TPH2: variants seen among roughly 807,000 people sequenced by gnomAD.
TPH2 encodes tryptophan hydroxylase 2, also known as tryptophan 5-hydroxylase 2.
A neutral mutation model predicts 59.1 loss-of-function variants in TPH2; 27 were observed. The ratio of observed to expected loss-of-function variants is 0.46; its 90% CI spans 0.34 to 0.63. The LOEUF is 0.63. Among genes scored for constraint, TPH2 ranks in the 30% least tolerant of loss-of-function variants. The pLI is 0.01. For missense variants in TPH2, 523 were observed against 588.3 expected (o/e 0.89, Z 1.15); for synonymous variants, 220 against 210.5 (o/e 1.05, Z -0.39).
intron 5 of TPH2, chr12:71,961,955 G>A (rs959937758): frequency 1.1e-5 from 12 of 1,054,902 alleles, no homozygotes; most frequent in Admixed American, 4.9e-5. Context: ...GCTCCCATCT[G>A]AAAGTTCCTT....
intron 7 of TPH2, among the ~76,000 whole-genome samples, chr12:71,993,497 G>A (rs1467982148): frequency 2.0e-5 from 3 of 152,078 alleles, no homozygotes; most frequent in Non-Finnish European, 4.4e-5. Context: ...CATTATTCAT[G>A]GCAATGACTC....
intron 7 of TPH2, among the ~76,000 whole-genome samples, chr12:71,982,015 A>ATTTTTTTTTTTTTTTTCTTTTTTT (rs1872294908): frequency 1.7e-5 from 1 of 60,492 alleles, no homozygotes; most frequent in Non-Finnish European, 3.4e-5. Context: ...TATCATTCGT[A>ATTTTTTTTTTTTTTTTCTTTTTTT]TTTTTTTTTT....
intron 5 of TPH2, among the ~76,000 whole-genome samples, chr12:71,966,439 CTCT>C (rs1290157356): frequency 2.0e-5 from 3 of 152,136 alleles, no homozygotes; most frequent in South Asian, 2.1e-4. Context: ...TGCATTTAAG[CTCT>C]TCTTTGTTTT....
At chr12:71,942,012 A>G (rs948038012) in intron 2 of TPH2, among the ~76,000 whole-genome samples, 1 of 152,178 alleles carries the variant, frequency 6.6e-6, no homozygotes, top group African/African-American at 2.4e-5. Flanking sequence ...CGTGAGCTTC[A>G]CACCTGAAAA....
At chr12:72,005,641 T>C (rs1872935291) in intron 8 of TPH2, among the ~76,000 whole-genome samples, 1 of 152,188 alleles carries the variant, frequency 6.6e-6, no homozygotes, top group Non-Finnish European at 1.5e-5. Flanking sequence ...CTTTTATATC[T>C]ACAGAGGAAA....
intron 1 of TPH2, among the ~76,000 whole-genome samples, chr12:71,940,709 TA>T (rs1240209008): frequency 7.9e-5 from 12 of 152,360 alleles, no homozygotes; most frequent in Admixed American, 4.6e-4. Flanking sequence ...TCCAGCTTTT[TA>T]TTCTGCATTT....
Position 71,962,986 on chromosome 12 carries a change from C to T in TPH2, c.609-9533C>T, listed in dbSNP as rs1279250005. On this transcript the variant is annotated intron_variant, in intron 5 of 10. Coordinates refer to ENST00000333850, the MANE Select transcript of TPH2 (RefSeq NM_173353.4). ...CACCCGCCTCGGCCTCCCAGAGTGC[C>T]GGGATTACAGATGTGAGCCACCGTG... 5.6e-5 allele frequency among the ~76,000 whole-genome samples: 3 copies of T among 53,114 alleles called. 1 individual carries two copies. The highest frequency in any genetic ancestry group is 1.1e-4 in the African/African-American group (2 of 18,904). The allele number at this position is 53,114 out of a possible 152,430, so 34.8% of individuals were successfully genotyped here. A position where few individuals can be genotyped will look rare whatever the true frequency, so the allele number is the denominator to read the frequency against.
At chr12:72,018,608 C>T (rs767261075) in intron 8 of TPH2, among the ~76,000 whole-genome samples, 7 of 152,124 alleles carry the variant, frequency 4.6e-5, no homozygotes, top group Non-Finnish European at 1.0e-4. Context: ...TGGCTCTGAA[C>T]GTGTATTTTG....
intron 9 of TPH2, among the ~76,000 whole-genome samples, chr12:72,024,688 T>G (rs1873521050): frequency 6.6e-6 from 1 of 152,236 alleles, no homozygotes; most frequent in African/African-American, 2.4e-5. Context: ...CTCATGGCCC[T>G]GACTTTCCAC....
chr12:71,966,955 T>C (rs1290871588), intron 5 of TPH2, among the ~76,000 whole-genome samples: 1 of 152,132 alleles, frequency 6.6e-6, no homozygotes, highest in Non-Finnish European at 1.5e-5. Flanking sequence ...CCAATTCCCC[T>C]AATTAAAAAA....
intron 5 of TPH2, among the ~76,000 whole-genome samples, chr12:71,959,110 A>G (rs1050713212): frequency 1.3e-5 from 2 of 150,852 alleles, no homozygotes; most frequent in East Asian, 3.9e-4. Flanking sequence ...GCCAAGTACT[A>G]CATGATGTCA....
intron 5 of TPH2, among the ~76,000 whole-genome samples, chr12:71,970,659 A>G (rs1355708180): frequency 6.6e-6 from 1 of 152,242 alleles, no homozygotes; most frequent in Non-Finnish European, 1.5e-5. Flanking sequence ...GACCATTTAT[A>G]TACTTATTTC....
intron 3 of TPH2, 29 bp downstream of exon 3, chr12:71,944,506 C>A (rs1048163212): frequency 6.2e-7 from 1 of 1,613,756 alleles, no homozygotes; most frequent in African/African-American, 1.3e-5. Flanking sequence ...TGTCGGGTAA[C>A]TTTGCAATCT....
chr12:71,995,363 A>T (rs1872669076), intron 8 of TPH2, among the ~76,000 whole-genome samples: 1 of 152,218 alleles, frequency 6.6e-6, no homozygotes, highest in Non-Finnish European at 1.5e-5. Context: ...GGGACCAGTC[A>T]GTTAGCCTAG....
chr12:72,002,251 TC>T (rs1334506558), intron 8 of TPH2, among the ~76,000 whole-genome samples: 6 of 151,932 alleles, frequency 3.9e-5, no homozygotes, highest in Non-Finnish European at 8.8e-5. Flanking sequence ...CTGTTCATAC[TC>T]CCAGGCGAGA....
intron 5 of TPH2, among the ~76,000 whole-genome samples, chr12:71,966,589 C>G (rs1015224331): frequency 3.9e-5 from 6 of 152,208 alleles, no homozygotes; most frequent in Admixed American, 3.9e-4. Context: ...CCCTAAGGAA[C>G]ATGTAATGAA....
At chr12:71,996,652 T>G (rs551361811) in intron 8 of TPH2, among the ~76,000 whole-genome samples, 1 of 152,210 alleles carries the variant, frequency 6.6e-6, no homozygotes, top group African/African-American at 2.4e-5. Flanking sequence ...ATGGCCAGGC[T>G]GTGTGGAGCT....
intron 6 of TPH2, among the ~76,000 whole-genome samples, chr12:71,976,400 A>G (rs559339428): frequency 6.6e-6 from 1 of 152,266 alleles, no homozygotes; most frequent in Non-Finnish European, 1.5e-5. Flanking sequence ...TCATTGACTC[A>G]CTTTTAAAAT....
intron 4 of TPH2, among the ~76,000 whole-genome samples, 172 bp from the exon 5 acceptor site, chr12:71,949,416 T>C (rs148257203): frequency 6.6e-6 from 1 of 152,314 alleles, no homozygotes; most frequent in East Asian, 1.9e-4. Context: ...CCCAATTTAA[T>C]GAGGTTTTAC....
Sources: gnomAD v4.1 joint callset for allele counts (sites outside exome capture counted in the v4.1 genomes callset) on GRCh38, gnomAD v4.1.1 for gene constraint, MANE v1.5 for transcripts, NCBI Gene and HGNC (gene_info 2026-07-23, HGNC 2026-07-21) for gene names.